The following RNF14 variants were observed in gnomAD, a reference collection of about 807,000 sequenced individuals.
RNF14 encodes E3 ubiquitin-protein ligase RNF14.
Under a neutral mutation model 52.6 loss-of-function variants are expected in RNF14, and 26 were observed. That is an observed-to-expected ratio of 0.49 (90% CI 0.36 to 0.69). The LOEUF is 0.69. RNF14 is among the 30% of genes least tolerant of loss of function. The probability of loss-of-function intolerance (pLI) is 0.00; values close to 1 mark genes in which losing one functional copy is unlikely to be tolerated. For missense variants in RNF14, 404 were observed against 560.4 expected, an observed-to-expected ratio of 0.72 and a Z score of 2.82; for synonymous variants, 194 against 202.0, an observed-to-expected ratio of 0.96 and a Z score of 0.34.
At chr5:141,951,520 T>G in the RNF14 span, 3 of 1,614,056 alleles carry the variant, frequency 1.9e-6, no homozygotes, top group Non-Finnish European at 2.5e-6. Flanking sequence ...GGCCAAGTAC[T>G]TATTTCCTCG....
chr5:141,970,650 G>A (rs1753661696), intron 1 of RNF14, 54 bp from the exon 2 acceptor site: 1 of 152,342 alleles, frequency 6.6e-6, no homozygotes. Context: ...TGGAAATTCA[G>A]AATTTTAATT....
chr5:141,955,001 C>A (rs747907583), upstream of RNF14: 1 of 1,613,862 alleles, frequency 6.2e-7, no homozygotes, highest in Admixed American at 1.7e-5. The surrounding 1 kb of genome is among the most constrained non-coding windows in gnomAD (Gnocchi z 5.5). Context: ...ACAGTGAGCT[C>A]CTCCACGGGG....
At chr5:141,956,851 G>C, upstream of RNF14, 1 of 1,614,234 alleles carries the variant, frequency 6.2e-7, no homozygotes, top group South Asian at 1.1e-5. Context: ...TTTGCAATGG[G>C]CTGGGATAGG....
chr5:141,964,013 T>C (rs952922721), upstream of RNF14, among the ~76,000 whole-genome samples: 8 of 152,228 alleles, frequency 5.3e-5, no homozygotes, highest in African/African-American at 1.9e-4. Flanking sequence ...CTTTTCACTG[T>C]TATTCAGGGG....
the RNF14 span, chr5:141,949,548 C>A: frequency 1.2e-6 from 2 of 1,614,176 alleles, no homozygotes; most frequent in Non-Finnish European, 1.7e-6. Context: ...GCCTCCAGCC[C>A]TTGCACTTGG....
intron 4 of RNF14, 139 bp from the exon 5 acceptor site, chr5:141,978,164 C>A: frequency 1.5e-6 from 1 of 679,508 alleles, no homozygotes; most frequent in Non-Finnish European, 2.5e-6. Flanking sequence ...TTGTATGTAG[C>A]ACAGTGTATC....
chr5:141,952,694 C>T, the RNF14 span: 1 of 152,190 alleles, frequency 6.6e-6, no homozygotes, highest in South Asian at 2.1e-4. Context: ...GTTTTTAGAC[C>T]TCCTCAGACC....
chr5:141,955,125 G>A (rs1753155210), upstream of RNF14: 21 of 1,614,224 alleles, frequency 1.3e-5, no homozygotes, highest in Non-Finnish European at 1.8e-5. The surrounding 1 kb of genome is among the most constrained non-coding windows in gnomAD (Gnocchi z 5.5). Flanking sequence ...GCCGTCTCAG[G>A]GTTGCAGAGG....
At chr5:141,983,652 A>T in intron 7 of RNF14, 100 bp downstream of exon 7, 2 of 1,000,278 alleles carry the variant, frequency 2.0e-6, no homozygotes, top group Non-Finnish European at 2.9e-6. Flanking sequence ...TACAAAACAC[A>T]TGCTGGTATT....
At chr5:141,981,202 A>G (rs1170064402) in intron 6 of RNF14, among the ~76,000 whole-genome samples, 1 of 152,236 alleles carries the variant, frequency 6.6e-6, no homozygotes, top group African/African-American at 2.4e-5. Flanking sequence ...AAATTGTTAT[A>G]TTTGTTACAC....
upstream of RNF14, among the ~76,000 whole-genome samples, chr5:141,962,363 T>A (rs1753281521): frequency 6.6e-6 from 1 of 152,234 alleles, no homozygotes; most frequent in Non-Finnish European, 1.5e-5. Flanking sequence ...TCGAAGTCAC[T>A]TGGAAAGCTT....
chr5:141,977,424 G>C (rs1403239089), intron 4 of RNF14, among the ~76,000 whole-genome samples: 2 of 152,170 alleles, frequency 1.3e-5, no homozygotes, highest in African/African-American at 4.8e-5. Flanking sequence ...TTTGCCATCT[G>C]GAAGGCATAT....
At chr5:141,960,320 TG>T (rs929406497) in intron 1 of RNF14, among the ~76,000 whole-genome samples, 2 of 152,180 alleles carry the variant, frequency 1.3e-5, no homozygotes, top group African/African-American at 2.4e-5. Context: ...GAATCAGGCC[TG>T]GGGGTCCGGG....
Position 141,983,680 on chromosome 5 carries a change from G to A in RNF14, c.1236+128G>A, listed in dbSNP as rs1012936726. ...CTGGTATTATTACACCTTCTTACGTGGAAGGTGGAAATTTCACTATTAGAT... is the reference window on the plus strand; with the variant it reads ...CTGGTATTATTACACCTTCTTACGTAGAAGGTGGAAATTTCACTATTAGAT... On this transcript the variant is annotated intron_variant, in intron 7 of 8. Coordinates refer to ENST00000394520, the MANE Select transcript of RNF14 (RefSeq NM_004290.5). 6 of 751,884 alleles carry A rather than the reference G, an allele frequency of 8.0e-6. No individual in the cohort carries two copies. The South Asian group carries it at 1.2e-4, about 15-fold the overall frequency. 46.6% of individuals were successfully genotyped at this position (751,884 alleles called of 1,614,324 possible).
intron 1 of RNF14, among the ~76,000 whole-genome samples, chr5:141,960,393 G>A (rs569323011): frequency 6.6e-6 from 1 of 152,342 alleles, no homozygotes; most frequent in East Asian, 1.9e-4. Flanking sequence ...GCCCGAGGAA[G>A]TTGAATAGGC....
intron 1 of RNF14, among the ~76,000 whole-genome samples, chr5:141,960,067 A>C (rs1275114846): frequency 3.3e-5 from 5 of 152,202 alleles, no homozygotes; most frequent in African/African-American, 7.2e-5. Context: ...CTTTGGCAGG[A>C]ATCCCATTTC....
At chr5:141,986,294 T>C (rs1422019805) in intron 8 of RNF14, among the ~76,000 whole-genome samples, 1 of 152,192 alleles carries the variant, frequency 6.6e-6, no homozygotes, top group Non-Finnish European at 1.5e-5. Context: ...GTAAGAGAAA[T>C]TGAAGAAACA....
chr5:141,983,640 C>A, intron 7 of RNF14, 88 bp downstream of exon 7: 1 of 1,133,758 alleles, frequency 8.8e-7, no homozygotes, highest in Non-Finnish European at 1.2e-6. Flanking sequence ...AATTTTATGA[C>A]TTACAAAACA....
chr5:141,969,855 CCT>C (rs1365362698), intron 1 of RNF14: 4 of 152,192 alleles, frequency 2.6e-5, no homozygotes, highest in Non-Finnish European at 5.9e-5. Flanking sequence ...AGAACACTAA[CCT>C]AAAACCATAA....
Sources: gnomAD v4.1 joint callset for allele counts (sites outside exome capture counted in the v4.1 genomes callset) on GRCh38, gnomAD v4.1.1 for gene constraint, Gnocchi (gnomAD v3.1) non-coding constraint, MANE v1.5 for transcripts, NCBI Gene and HGNC (gene_info 2026-07-23, HGNC 2026-07-21) for gene names.